WNK1: variants seen among roughly 807,000 people sequenced by gnomAD.
WNK1 encodes serine/threonine-protein kinase WNK1.
A neutral mutation model predicts 222.8 loss-of-function variants in WNK1; 38 were observed. That is an observed-to-expected ratio of 0.17 (90% confidence interval 0.13 to 0.22). The LOEUF (loss-of-function observed/expected upper bound fraction) is 0.22, where lower values mean the gene tolerates loss of function less well. Among genes scored for constraint, WNK1 ranks in the 10% least tolerant of loss-of-function variants. WNK1 has a pLI of 1.00. For synonymous variants in WNK1, 1,090 were observed against 1,092.9 expected, an observed-to-expected ratio of 1.00 and a Z score of 0.05; for missense variants, 2,348 against 2,918.4, an observed-to-expected ratio of 0.80 and a Z score of 4.50.
intron 1 of WNK1, among the ~76,000 whole-genome samples, chr12:766,082 G>A (rs1941657843): frequency 6.6e-6 from 1 of 152,054 alleles, no homozygotes; most frequent in Non-Finnish European, 1.5e-5. Context: ...TTAGAAAGTA[G>A]AGACAATAAG....
intron 4 of WNK1, among the ~76,000 whole-genome samples, chr12:841,768 C>T (rs759242307): frequency 4.6e-5 from 7 of 152,154 alleles, no homozygotes; most frequent in Admixed American, 1.3e-4. Context: ...CGGACTTTCT[C>T]GTGTCATTTT....
chr12:775,807 A>G (rs900939985), intron 1 of WNK1, among the ~76,000 whole-genome samples: 2 of 152,298 alleles, frequency 1.3e-5, no homozygotes, highest in African/African-American at 4.8e-5. Flanking sequence ...CTTGTGTCAT[A>G]TATTCTTATG....
intron 4 of WNK1, among the ~76,000 whole-genome samples, chr12:834,639 T>C (rs544416275): frequency 6.6e-6 from 1 of 152,346 alleles, no homozygotes; most frequent in South Asian, 2.1e-4. Context: ...AGCAATTCAC[T>C]TAATTTCTCT....
intron 5 of WNK1, among the ~76,000 whole-genome samples, chr12:857,697 C>T (rs1950892306): frequency 6.6e-6 from 1 of 152,142 alleles, no homozygotes; most frequent in African/African-American, 2.4e-5. Context: ...AGCAAAACAT[C>T]AAAATTCCTT....
At chr12:804,594 A>G (rs1946188561) in intron 1 of WNK1, among the ~76,000 whole-genome samples, 2 of 152,064 alleles carry the variant, frequency 1.3e-5, no homozygotes, top group African/African-American at 2.4e-5. Context: ...GCTGGTCTCA[A>G]ACTCCTTACC....
At position 759,261 on chromosome 12, in the gene WNK1, C is replaced by G. The variant is rs1346249512; in HGVS notation, c.759+4937C>G. On this transcript the variant is annotated intron_variant, in intron 1 of 27. Transcript: ENST00000315939. ...CATAATTACCGTTAGTACACCTTTGCTATACCAGTTCTTTAAATTATATTG... is the reference window on the plus strand; with the variant it reads ...CATAATTACCGTTAGTACACCTTTGGTATACCAGTTCTTTAAATTATATTG... 3.4e-5 allele frequency among the ~76,000 whole-genome samples: 5 copies of G among 147,168 alleles called. 2 individuals are homozygous for G. The highest frequency in any genetic ancestry group is 7.6e-5 in the Non-Finnish European group (5 of 66,038).
chr12:778,698 A>G (rs1156903716), intron 1 of WNK1, among the ~76,000 whole-genome samples: 8 of 151,824 alleles, frequency 5.3e-5, no homozygotes, highest in Non-Finnish European at 1.5e-5. Context: ...TATCGTGCTA[A>G]CATTCATTAG....
chr12:877,926 G>A (rs961110751), intron 9 of WNK1: 3 of 436,896 alleles, frequency 6.9e-6, no homozygotes, highest in African/African-American at 2.0e-5. Context: ...TTATGTAAAT[G>A]TCTTTGTAAA....
At chr12:828,526 G>A (rs1039569031) in intron 3 of WNK1, among the ~76,000 whole-genome samples, 3 of 151,986 alleles carry the variant, frequency 2.0e-5, no homozygotes, top group African/African-American at 7.3e-5. Context: ...AGACTCTGGG[G>A]CAGCATTCCC....
intron 1 of WNK1, among the ~76,000 whole-genome samples, chr12:771,408 G>T (rs1382576790): frequency 6.6e-6 from 1 of 152,022 alleles, no homozygotes; most frequent in Admixed American, 6.6e-5. Context: ...ATTGGTTTTT[G>T]GTGTCTGTCT....
chr12:898,696 C>G (rs899325832), intron 25 of WNK1, among the ~76,000 whole-genome samples: 1 of 151,974 alleles, frequency 6.6e-6, no homozygotes, highest in African/African-American at 2.4e-5. Context: ...ACCTTAGCTT[C>G]CTGGGTAGCT....
chr12:866,775 T>C (rs1439786005), intron 8 of WNK1, among the ~76,000 whole-genome samples: 1 of 152,246 alleles, frequency 6.6e-6, no homozygotes, highest in Non-Finnish European at 1.5e-5. Flanking sequence ...AAATTGGCTG[T>C]CATTTATATT....
intron 22 of WNK1, among the ~76,000 whole-genome samples, chr12:891,835 C>T (rs1032700293): frequency 6.6e-6 from 1 of 151,354 alleles, no homozygotes; most frequent in African/African-American, 2.4e-5. Context: ...GAGGCTGAGA[C>T]GAGGATTGCC....
At chr12:845,502 T>C (rs1474397577) in intron 4 of WNK1, among the ~76,000 whole-genome samples, 1 of 152,220 alleles carries the variant, frequency 6.6e-6, no homozygotes, top group African/African-American at 2.4e-5. Flanking sequence ...AAGAAGAGTT[T>C]GTATTTAACA....
chr12:862,088 G>A lies in WNK1; in HGVS notation c.1957G>A (p.Gly653Arg). ...QQPSISVLSD[G>R]TVDSGQGSSV... The stretch of plus-strand genomic sequence containing the variant: ...GCGATTCATTTTTCCTTCAGCTGAT[G>A]GGACGGTTGACAGTGGTCAGGGATC... The change falls in exon 8 of 28, where the codon GGG becomes AGG. Residue 653 changes from glycine to arginine, a missense_variant. By Grantham distance (125) the Gly-to-Arg change is moderately radical. Transcript: ENST00000315939. 6.2e-7 allele frequency: 1 copy of A among 1,613,874 alleles called. No individual in the cohort carries two copies. Among genetic ancestry groups the A allele is most frequent in the Non-Finnish European group, 8.5e-7 (1 of 1,179,928 alleles).
At chr12:780,465 C>T (rs1233862133) in intron 1 of WNK1, among the ~76,000 whole-genome samples, 1 of 152,096 alleles carries the variant, frequency 6.6e-6, no homozygotes, top group African/African-American at 2.4e-5. Context: ...GTGTTGCATT[C>T]CTAAGTGTAG....
rs547363722 is a variant in WNK1 at position 904,427 on chromosome 12, A to T, written c.6644-3420A>T. ...ACACTGATGTTTCTTTATCTTTAAC[A>T]CATTGCTTCTCTCTTTGTGCTTCAG... On this transcript the variant is annotated intron_variant, in intron 26 of 27. Transcript: ENST00000315939. The T allele has an allele frequency of 2.4e-5, 31 of 1,288,352 alleles. No individual in the cohort carries two copies. In the Admixed American group the frequency reaches 2.5e-4, roughly 10 times the overall value. The allele number at this position is 1,288,352 out of a possible 1,614,324, so 79.8% of individuals were successfully genotyped here. A position where few individuals can be genotyped will look rare whatever the true frequency, so the allele number is the denominator to read the frequency against.
intron 26 of WNK1, 137 bp downstream of exon 26, chr12:900,807 T>G (rs1407125568): frequency 3.7e-6 from 4 of 1,079,906 alleles, no homozygotes; most frequent in Middle Eastern, 2.0e-4. Flanking sequence ...AGAATCTGGG[T>G]GAAAAGGGAA....
chr12:894,033 C>A (rs12424780), intron 22 of WNK1, among the ~76,000 whole-genome samples: 2 of 151,484 alleles, frequency 1.3e-5, no homozygotes, highest in African/African-American at 2.4e-5. Flanking sequence ...GCCTGGACAA[C>A]GTGGTGAAAC....
Sources: gnomAD v4.1 joint callset for allele counts (sites outside exome capture counted in the v4.1 genomes callset) on GRCh38, gnomAD v4.1.1 for gene constraint, MANE v1.5 for transcripts, NCBI Gene and HGNC (gene_info 2026-07-23, HGNC 2026-07-21) for gene names.